PUM1: variants seen among roughly 807,000 people sequenced by gnomAD.
PUM1 encodes pumilio homolog 1.
PUM1 carries 13 observed loss-of-function variants against 131.8 expected under a neutral mutation model. That is an observed-to-expected ratio of 0.10 (90% CI 0.06 to 0.16). The LOEUF (loss-of-function observed/expected upper bound fraction) is 0.16. PUM1 is among the 10% of genes least tolerant of loss of function. The probability of loss-of-function intolerance (pLI) is 1.00; values close to 1 mark genes in which losing one functional copy is unlikely to be tolerated. For synonymous variants in PUM1, 509 were observed against 556.5 expected (o/e 0.91, Z 1.20); for missense variants, 961 against 1,512.4 (o/e 0.64, Z 6.05).
chr1:31,048,082 T>C (rs1008409173), intron 2 of PUM1, among the ~76,000 whole-genome samples: 2 of 151,296 alleles, frequency 1.3e-5, no homozygotes, highest in Admixed American at 6.6e-5. Context: ...CTACTAAAAA[T>C]ACAAAAATTA....
Position 30,939,809 on chromosome 1 carries a change from G to A in PUM1, c.3242+1342C>T, listed in dbSNP as rs180851157. ...GGAATCCTAGGCTGCAGTGAGCTAGGAGTGCACCACTGCACTCCAGCCAGG... is the reference window on the plus strand; with the variant it reads ...GGAATCCTAGGCTGCAGTGAGCTAGAAGTGCACCACTGCACTCCAGCCAGG... On this transcript the variant is annotated intron_variant, in intron 20 of 21. Transcript: ENST00000426105. Among the ~76,000 whole-genome samples, 20 of 152,216 alleles carry A rather than the reference G, an allele frequency of 1.3e-4. No homozygotes were observed. In the East Asian group the frequency reaches 3.7e-3, roughly 28 times the overall value.
chr1:30,980,462 T>C (rs1328137919), intron 8 of PUM1, among the ~76,000 whole-genome samples: 3 of 152,210 alleles, frequency 2.0e-5, no homozygotes, highest in African/African-American at 7.2e-5. Context: ...CAGCCTACAA[T>C]AGAACAATTT....
intron 2 of PUM1, among the ~76,000 whole-genome samples, chr1:31,029,763 A>G (rs1643351322): frequency 6.6e-6 from 1 of 152,060 alleles, no homozygotes; most frequent in Non-Finnish European, 1.5e-5. Context: ...TCTACAAAAA[A>G]TATAAAAATT....
At chr1:31,043,320 A>C (rs1365672101) in intron 2 of PUM1, among the ~76,000 whole-genome samples, 1 of 151,862 alleles carries the variant, frequency 6.6e-6, no homozygotes, top group African/African-American at 2.4e-5. Flanking sequence ...CTCCTGCCTC[A>C]GCCACCTGAG....
intron 4 of PUM1, 108 bp downstream of exon 4, chr1:31,006,886 G>T: frequency 1.3e-6 from 1 of 789,772 alleles, no homozygotes; most frequent in Non-Finnish European, 2.1e-6. Flanking sequence ...AGAGGACACT[G>T]CTTGACATGC....
At chr1:31,055,302 C>G in intron 2 of PUM1, 1 of 455,504 alleles carries the variant, frequency 2.2e-6, no homozygotes, top group Non-Finnish European at 4.4e-6. Flanking sequence ...CTGTAAGACC[C>G]ACTCCTTTAC....
At chr1:31,003,157 C>G (rs1642275229) in intron 5 of PUM1, among the ~76,000 whole-genome samples, 1 of 152,096 alleles carries the variant, frequency 6.6e-6, no homozygotes, top group Admixed American at 6.6e-5. Flanking sequence ...TACAGCTACC[C>G]CAAAAGTAAA....
intron 2 of PUM1, among the ~76,000 whole-genome samples, chr1:31,045,963 T>A (rs1643947814): frequency 6.6e-6 from 1 of 152,066 alleles, no homozygotes; most frequent in Non-Finnish European, 1.5e-5. Context: ...ATGCTTGTAA[T>A]CCCGGCTACT....
intron 1 of PUM1, among the ~76,000 whole-genome samples, chr1:31,060,465 A>C (rs960251525): frequency 4.0e-5 from 6 of 149,518 alleles, no homozygotes; most frequent in African/African-American, 1.5e-4. Context: ...TCTCTCAAAA[A>C]ATCAATCAAT....
chr1:30,993,687 G>T (rs772653024), intron 6 of PUM1, among the ~76,000 whole-genome samples: 1 of 152,110 alleles, frequency 6.6e-6, no homozygotes, highest in Non-Finnish European at 1.5e-5. Flanking sequence ...GCTACAGGCT[G>T]CTGGATATTC....
intron 6 of PUM1, among the ~76,000 whole-genome samples, chr1:30,993,725 T>C (rs1641885042): frequency 6.6e-6 from 1 of 152,198 alleles, no homozygotes; most frequent in Non-Finnish European, 1.5e-5. Flanking sequence ...TGAACTCATC[T>C]GAAAGACCTT....
intron 2 of PUM1, among the ~76,000 whole-genome samples, chr1:31,030,370 G>A (rs1269142739): frequency 3.3e-5 from 5 of 151,896 alleles, no homozygotes; most frequent in African/African-American, 7.3e-5. Context: ...ACGTATTGAG[G>A]GTCAAGTTAG....
chr1:31,051,290 T>A (rs924428136), intron 2 of PUM1, among the ~76,000 whole-genome samples: 20 of 151,626 alleles, frequency 1.3e-4, no homozygotes, highest in African/African-American at 4.8e-4. Flanking sequence ...TCAAAATATA[T>A]TCATCCACTG....
rs1473875890 is a variant in PUM1 at position 31,028,826 on chromosome 1, T to G, written c.402A>C (p.Ala134=). 1 of 1,613,894 alleles carries G rather than the reference T, an allele frequency of 6.2e-7. No homozygotes were observed. Among genetic ancestry groups the G allele is most frequent in the East Asian group, 2.2e-5 (1 of 44,880 alleles). ...CCATCGCTCTTCCCTCCAGAGCAAGTGCTTGAAAATCATGATTCAGTTCAT... is the reference window on the plus strand; with the variant it reads ...CCATCGCTCTTCCCTCCAGAGCAAGGGCTTGAAAATCATGATTCAGTTCAT... The part of the protein sequence containing the change: ...SMDELNHDFQ[A]LALEGRAMGE... Residue 134 remains alanine (A), a synonymous_variant, in exon 3 of 22, where the codon GCA becomes GCC. Coordinates refer to ENST00000426105, the MANE Select transcript of PUM1 (RefSeq NM_001020658.2).
intron 2 of PUM1, 88 bp from the exon 3 acceptor site, chr1:31,028,952 T>C (rs1643315505): frequency 1.0e-5 from 11 of 1,063,404 alleles, no homozygotes; most frequent in African/African-American, 4.7e-5. Context: ...ATTTATTCTA[T>C]GTTTACTTTC....
At chr1:31,057,883 A>T (rs989712798) in intron 2 of PUM1, among the ~76,000 whole-genome samples, 5 of 152,154 alleles carry the variant, frequency 3.3e-5, no homozygotes, top group Admixed American at 2.0e-4. Context: ...CTCGCTAATC[A>T]GTACTGACGG....
At chr1:30,969,316 CAAA>C (rs763999971) in intron 10 of PUM1, among the ~76,000 whole-genome samples, 1 of 51,178 alleles carries the variant, frequency 2.0e-5, no homozygotes, top group African/African-American at 7.4e-5. Flanking sequence ...AACACACACA[CAAA>C]AAAAAAAAAA....
chr1:30,933,142 G>T lies in PUM1; in HGVS notation c.*69C>A. 1 of 1,540,486 alleles carries T rather than the reference G, an allele frequency of 6.5e-7. No individual in the cohort carries two copies. The highest frequency in any genetic ancestry group is 8.8e-7 in the Non-Finnish European group (1 of 1,140,406). On this transcript the variant is annotated 3_prime_UTR_variant, in exon 22 of 22. Transcript: ENST00000426105. Reference sequence around the variant, plus strand: ...CAGACTCTACACTAGAACATTTCTGGTTGCTGGTTGGATTTGCCAGTGGGC... The same window carrying T: ...CAGACTCTACACTAGAACATTTCTGTTTGCTGGTTGGATTTGCCAGTGGGC...
chr1:30,999,606 C>CAAAAAAAAAAAAAAAAAAAAAAAAA (rs56936440), intron 5 of PUM1, among the ~76,000 whole-genome samples: 1 of 53,956 alleles, frequency 1.9e-5, no homozygotes, highest in Admixed American at 2.7e-4. Context: ...GACTCTGTCT[C>CAAAAAAAAAAAAAAAAAAAAAAAAA]AAAAAAAAAA....
Sources: allele counts gnomAD v4.1 joint callset (sites outside exome capture counted in the v4.1 genomes callset), GRCh38; gene constraint gnomAD v4.1.1; transcripts MANE v1.5; gene names NCBI Gene and HGNC (gene_info 2026-07-23, HGNC 2026-07-21).